UBE3A: variants seen among roughly 807,000 people sequenced by gnomAD.
UBE3A encodes the protein ubiquitin protein ligase E3A.
A neutral mutation model predicts 83.4 loss-of-function variants in UBE3A; 6 were observed. That is an observed-to-expected ratio of 0.07 (90% CI 0.04 to 0.14). The LOEUF (loss-of-function observed/expected upper bound fraction) is 0.14, where lower values mean the gene tolerates loss of function less well. Among genes scored for constraint, UBE3A ranks in the 10% least tolerant of loss-of-function variants. The pLI, the probability that UBE3A is intolerant of heterozygous loss-of-function variation, is 1.00. For synonymous variants in UBE3A, 337 were observed against 355.4 expected (o/e 0.95, Z 0.58); for missense variants, 456 against 1,036.1 (o/e 0.44, Z 7.69).
In UBE3A at chr15:25,403,118, T is replaced by C. The variant is rs1036887111; in HGVS notation, c.62+2343A>G. Among the ~76,000 whole-genome samples the C allele has an allele frequency of 3.9e-5, 6 of 152,230 alleles. No homozygotes were observed. In the East Asian group the frequency reaches 1.2e-3, roughly 29 times the overall value. ...CCCTAAAATACCATGCATAATCTTCTGGCTATTGGAGAAAAGTCTTTAAAT... is the reference window on the plus strand; with the variant it reads ...CCCTAAAATACCATGCATAATCTTCCGGCTATTGGAGAAAAGTCTTTAAAT... On this transcript the variant is annotated intron_variant, in intron 4 of 12. Transcript: ENST00000648336.
intron 5 of UBE3A, 93 bp downstream of exon 5, chr15:25,375,372 G>T: frequency 6.9e-7 from 1 of 1,441,396 alleles, no homozygotes; most frequent in Non-Finnish European, 9.4e-7. Flanking sequence ...ATGTCTTTAT[G>T]TCACAGAAGA....
At chr15:25,387,766 T>G (rs1317551833) in intron 4 of UBE3A, among the ~76,000 whole-genome samples, 1 of 152,064 alleles carries the variant, frequency 6.6e-6, no homozygotes, top group Non-Finnish European at 1.5e-5. Context: ...AAATAACTAA[T>G]ATCAGAATGA....
intron 5 of UBE3A, chr15:25,373,997 G>T (rs1251979992): frequency 6.6e-6 from 1 of 152,006 alleles, no homozygotes; most frequent in Non-Finnish European, 1.5e-5. Flanking sequence ...AAAACAGTTT[G>T]GTGCAGACTA....
chr15:25,419,175 A>G (rs191522978), intron 1 of UBE3A: 3 of 152,320 alleles, frequency 2.0e-5, no homozygotes, highest in East Asian at 1.9e-4. Context: ...ACAGCAATAA[A>G]TAACTGGAAC....
chr15:25,383,954 C>G (rs548790699), intron 4 of UBE3A, among the ~76,000 whole-genome samples: 3 of 150,796 alleles, frequency 2.0e-5, no homozygotes, highest in Admixed American at 2.0e-4. Flanking sequence ...TCTAGCCTAC[C>G]AAAAAGAAAA....
chr15:25,414,350 G>A (rs2090498480), intron 1 of UBE3A, among the ~76,000 whole-genome samples: 1 of 152,088 alleles, frequency 6.6e-6, no homozygotes. Flanking sequence ...GATTTTGAGT[G>A]CCTACTAGGT....
At chr15:25,420,569 A>G (rs1482636835) in intron 1 of UBE3A, 1 of 152,222 alleles carries the variant, frequency 6.6e-6, no homozygotes, top group East Asian at 1.9e-4. Context: ...TCTCAACAGC[A>G]GTCATGAAGA....
At chr15:25,388,382 C>A (rs939668131) in intron 4 of UBE3A, among the ~76,000 whole-genome samples, 1 of 152,086 alleles carries the variant, frequency 6.6e-6, no homozygotes, top group African/African-American at 2.4e-5. Context: ...CATGACCATA[C>A]CATAGATGGA....
intron 3 of UBE3A, chr15:25,408,541 A>G (rs2089243117): frequency 1.9e-6 from 3 of 1,557,300 alleles, no homozygotes; most frequent in South Asian, 2.2e-5. Flanking sequence ...CTTGATTTGA[A>G]TCGCAGAAAA....
intron 11 of UBE3A, among the ~76,000 whole-genome samples, chr15:25,345,397 A>G (rs1595450152): frequency 6.6e-6 from 1 of 152,308 alleles, no homozygotes; most frequent in Non-Finnish European, 1.5e-5. Flanking sequence ...ACCAAAAAAA[A>G]GTTCAAATAT....
intron 12 of UBE3A, chr15:25,339,695 A>T: frequency 3.2e-6 from 1 of 316,302 alleles, no homozygotes; most frequent in Non-Finnish European, 6.0e-6. Context: ...TATTAGAAAC[A>T]CTGCTGGCAA....
intron 2 of UBE3A, among the ~76,000 whole-genome samples, chr15:25,410,785 A>G (rs2089835067): frequency 6.6e-6 from 1 of 152,180 alleles, no homozygotes; most frequent in Admixed American, 6.5e-5. Context: ...AATCTCCCAG[A>G]TACTCCTATC....
intron 4 of UBE3A, among the ~76,000 whole-genome samples, chr15:25,390,723 T>C (rs915033089): frequency 6.6e-6 from 1 of 152,092 alleles, no homozygotes; most frequent in Non-Finnish European, 1.5e-5. Context: ...TGTACTTTGT[T>C]CAAAGCCACA....
At chr15:25,352,331 A>G (rs1262476895) in intron 11 of UBE3A, among the ~76,000 whole-genome samples, 1 of 152,236 alleles carries the variant, frequency 6.6e-6, no homozygotes, top group Non-Finnish European at 1.5e-5. Flanking sequence ...AATAAATACC[A>G]ACCAAAATAT....
intron 6 of UBE3A, among the ~76,000 whole-genome samples, chr15:25,362,218 G>C (rs1006476701): frequency 3.9e-5 from 6 of 152,018 alleles, no homozygotes; most frequent in African/African-American, 1.5e-4. Context: ...TTATCTTCTG[G>C]GTATCTTCAA....
At chr15:25,393,186 G>T (rs918974028) in intron 4 of UBE3A, among the ~76,000 whole-genome samples, 7 of 150,392 alleles carry the variant, frequency 4.7e-5, no homozygotes, top group African/African-American at 1.7e-4. Flanking sequence ...GCAGTAGGAA[G>T]AAAAAAAAAG....
In UBE3A at chr15:25,337,725, C is replaced by T. The variant is rs1408524089; in HGVS notation, c.*1412G>A. ...CAATCACCAAGGCACAAGCTCAGCA[C>T]ATTAGCTATAGCTTGTAGCAAAAGG... On this transcript the variant is annotated 3_prime_UTR_variant, in exon 13 of 13. Transcript: ENST00000648336. The T allele has an allele frequency of 6.6e-6, 1 of 152,082 alleles. No homozygotes were observed. The highest frequency in any genetic ancestry group is 1.9e-4 in the East Asian group (1 of 5,184). 9.4% of individuals were successfully genotyped at this position (152,082 alleles called of 1,614,324 possible). A position where few individuals can be genotyped will look rare whatever the true frequency, so the allele number is the denominator to read the frequency against.
chr15:25,352,126 C>T (rs982981929), intron 11 of UBE3A, among the ~76,000 whole-genome samples: 1 of 152,098 alleles, frequency 6.6e-6, no homozygotes, highest in Non-Finnish European at 1.5e-5. Flanking sequence ...ACCCAGGAAG[C>T]GGAGGTTGCA....
chr15:25,429,086 TA>T (rs1186642227), intron 1 of UBE3A, among the ~76,000 whole-genome samples: 1 of 152,142 alleles, frequency 6.6e-6, no homozygotes, highest in Non-Finnish European at 1.5e-5. Context: ...ATACTGAGTT[TA>T]AAAAAATCAA....
Sources: gnomAD v4.1 joint callset for allele counts (sites outside exome capture counted in the v4.1 genomes callset) on GRCh38, gnomAD v4.1.1 for gene constraint, MANE v1.5 for transcripts, NCBI Gene and HGNC (gene_info 2026-07-23, HGNC 2026-07-21) for gene names.